Variants in SEMA5A observed in about 807,000 individuals in gnomAD.
The protein encoded by SEMA5A is semaphorin-5A.
In SEMA5A, 55 loss-of-function variants were observed where a neutral mutation model predicts 135.5. The observed-to-expected ratio is 0.41, with a 90% CI of 0.33 to 0.51. The LOEUF is 0.51. Ranked by LOEUF, SEMA5A falls within the 20% of genes least tolerant of loss-of-function variation. SEMA5A has a pLI of 0.37. For synonymous variants in SEMA5A, 580 were observed against 546.5 expected, an observed-to-expected ratio of 1.06 and a Z score of -0.85; for missense variants, 1,290 against 1,419.9, an observed-to-expected ratio of 0.91 and a Z score of 1.47.
chr5:9,125,336 G>A (rs910990141), intron 13 of SEMA5A, among the ~76,000 whole-genome samples: 7 of 152,074 alleles, frequency 4.6e-5, no homozygotes, highest in Admixed American at 3.3e-4. Flanking sequence ...TTTTCTTTTT[G>A]TAAATTTTAC....
At chr5:9,103,894 A>G (rs1465348998) in intron 16 of SEMA5A, among the ~76,000 whole-genome samples, 1 of 152,226 alleles carries the variant, frequency 6.6e-6, no homozygotes, top group Non-Finnish European at 1.5e-5. Context: ...TATGCTCATG[A>G]TGATCTCCTA....
At position 9,545,033 on chromosome 5, in the gene SEMA5A, G is replaced by A. The variant is rs961198755; in HGVS notation, c.-175+551C>T. Among the ~76,000 whole-genome samples the A allele has an allele frequency of 8.5e-5, 13 of 152,100 alleles. No individual in the cohort carries two copies. The highest frequency in any genetic ancestry group is 1.2e-4 in the African/African-American group (5 of 41,426). ...GGTTCCCCAGGCCTCTGCATCCCCC[G>A]CCTTAGTGTCTTTCATTAACCAAGG... On this transcript the variant is annotated intron_variant, in intron 1 of 22. Transcript: ENST00000382496. The surrounding 1 kb of genome is among the most constrained non-coding windows in gnomAD (Gnocchi z 4.5).
chr5:9,348,347 C>T (rs1026355917), intron 3 of SEMA5A, among the ~76,000 whole-genome samples: 1 of 152,168 alleles, frequency 6.6e-6, no homozygotes, highest in Admixed American at 6.5e-5. Flanking sequence ...TCAGGAAAGA[C>T]AGATTTTTTT....
rs185661574 is a variant in SEMA5A at position 9,522,498 on chromosome 5, G to A, written c.-175+23086C>T. Reference sequence around the variant, plus strand: ...CTCAGGAGGCTGAGGCAGGAGAATCGCTTAGGAGGCAGAGGTTGTGGTGAG... The same window carrying A: ...CTCAGGAGGCTGAGGCAGGAGAATCACTTAGGAGGCAGAGGTTGTGGTGAG... On this transcript the variant is annotated intron_variant, in intron 1 of 22. Transcript: ENST00000382496. Among the ~76,000 whole-genome samples the A allele has an allele frequency of 4.9e-4, 74 of 152,226 alleles. No individual in the cohort carries two copies. The East Asian group carries it at 0.013, about 26-fold the overall frequency.
At chr5:9,073,687 A>C (rs1182470100) in intron 16 of SEMA5A, among the ~76,000 whole-genome samples, 3 of 152,126 alleles carry the variant, frequency 2.0e-5, no homozygotes, top group Non-Finnish European at 4.4e-5. Context: ...ATACAATATG[A>C]TTGTCTATGT....
chr5:9,373,469 A>G (rs1167430803), intron 3 of SEMA5A, among the ~76,000 whole-genome samples: 2 of 152,130 alleles, frequency 1.3e-5, no homozygotes, highest in African/African-American at 4.8e-5. Context: ...AGTCATCTCA[A>G]TTCCCTCCAT....
intron 5 of SEMA5A, among the ~76,000 whole-genome samples, chr5:9,284,218 C>G (rs1750683767): frequency 6.6e-6 from 1 of 152,114 alleles, no homozygotes; most frequent in Admixed American, 6.6e-5. Context: ...ATCAATTTCC[C>G]TGCCAATCAT....
At chr5:9,224,956 A>C (rs913977990) in intron 7 of SEMA5A, 69 bp from the exon 8 acceptor site, 1 of 1,403,484 alleles carries the variant, frequency 7.1e-7, no homozygotes. Context: ...TTATGGTCAC[A>C]CCCACCATCA....
chr5:9,193,966 C>T (rs34870634), intron 10 of SEMA5A, among the ~76,000 whole-genome samples: 1,697 of 152,296 alleles, frequency 0.011, 16 homozygotes, highest in Middle Eastern at 0.041. Context: ...ATCAGATCTA[C>T]GCACTTGCTC....
At chr5:9,481,242 G>A (rs940131643) in intron 1 of SEMA5A, among the ~76,000 whole-genome samples, 7 of 152,026 alleles carry the variant, frequency 4.6e-5, no homozygotes, top group Non-Finnish European at 7.4e-5. Flanking sequence ...CACCATGCCC[G>A]GCCCAAAACA....
intron 2 of SEMA5A, among the ~76,000 whole-genome samples, chr5:9,404,440 T>C (rs922425225): frequency 2.0e-5 from 3 of 152,142 alleles, no homozygotes; most frequent in African/African-American, 7.2e-5. Flanking sequence ...CCACTATATA[T>C]ATGTTAAAGA....
At chr5:9,322,317 T>A (rs1296182448) in intron 4 of SEMA5A, among the ~76,000 whole-genome samples, 1 of 152,006 alleles carries the variant, frequency 6.6e-6, no homozygotes, top group African/African-American at 2.4e-5. Context: ...GCCCTTCCAA[T>A]CATCTCATCA....
intron 2 of SEMA5A, among the ~76,000 whole-genome samples, chr5:9,429,166 C>T (rs1757771019): frequency 6.6e-6 from 1 of 152,152 alleles, no homozygotes; most frequent in South Asian, 2.1e-4. Flanking sequence ...CAAATATCTA[C>T]CCACTGAACA....
chr5:9,303,236 C>G, intron 5 of SEMA5A, among the ~76,000 whole-genome samples: 2 of 151,910 alleles, frequency 1.3e-5, no homozygotes. Flanking sequence ...CCTGCCTCAG[C>G]CTCCCCAGTA....
At chr5:9,464,526 A>G (rs1028176628) in intron 1 of SEMA5A, among the ~76,000 whole-genome samples, 7 of 152,248 alleles carry the variant, frequency 4.6e-5, no homozygotes, top group African/African-American at 7.2e-5. Context: ...TTTTAATAAC[A>G]TATTTTTAAG....
chr5:9,471,296 A>G (rs186507209), intron 1 of SEMA5A, among the ~76,000 whole-genome samples: 1 of 152,300 alleles, frequency 6.6e-6, no homozygotes, highest in Admixed American at 6.5e-5. Context: ...CCTTCTTGGG[A>G]GTGTCCCTGA....
chr5:9,119,279 G>A (rs1238006119), intron 14 of SEMA5A, 138 bp from the exon 15 acceptor site: 1 of 933,046 alleles, frequency 1.1e-6, no homozygotes, highest in Non-Finnish European at 1.6e-6. Context: ...ACCAGCCAGG[G>A]GACTGAATGG....
chr5:9,440,236 G>T (rs1204444650), intron 1 of SEMA5A, among the ~76,000 whole-genome samples: 1 of 152,226 alleles, frequency 6.6e-6, no homozygotes, highest in Admixed American at 6.5e-5. Context: ...TCATAAATTA[G>T]CCAATGCATT....
At chr5:9,271,785 C>T (rs1749986959) in intron 5 of SEMA5A, among the ~76,000 whole-genome samples, 1 of 152,088 alleles carries the variant, frequency 6.6e-6, no homozygotes, top group African/African-American at 2.4e-5. Context: ...CAGGGAACTC[C>T]CTCTAGCCAA....
Sources: gnomAD v4.1 joint callset for allele counts (sites outside exome capture counted in the v4.1 genomes callset) on GRCh38, gnomAD v4.1.1 for gene constraint, Gnocchi (gnomAD v3.1) non-coding constraint, MANE v1.5 for transcripts, NCBI Gene and HGNC (gene_info 2026-07-23, HGNC 2026-07-21) for gene names.